Variants in SLC4A10 observed in about 807,000 individuals in gnomAD.
SLC4A10 encodes the protein solute carrier family 4 member 10.
In SLC4A10, 42 loss-of-function variants were observed where a neutral mutation model predicts 137.7. The observed-to-expected ratio is 0.30, with a 90% confidence interval of 0.24 to 0.39. The LOEUF is 0.39. Among genes scored for constraint, SLC4A10 ranks in the 10% least tolerant of loss-of-function variants. The pLI, the probability that SLC4A10 is intolerant of heterozygous loss-of-function variation, is 1.00. For missense variants in SLC4A10, 925 were observed against 1,355.0 expected (o/e 0.68, Z 4.98); for synonymous variants, 474 against 464.1 (o/e 1.02, Z -0.27).
At chr2:161,837,303 G>A (rs564467752) in intron 3 of SLC4A10, among the ~76,000 whole-genome samples, 1 of 152,110 alleles carries the variant, frequency 6.6e-6, no homozygotes, top group South Asian at 2.1e-4. Flanking sequence ...CTCTACACTA[G>A]CATTAAAAAT....
chr2:161,914,852 G>T (rs1686738108), intron 15 of SLC4A10, among the ~76,000 whole-genome samples: 1 of 152,126 alleles, frequency 6.6e-6, no homozygotes, highest in Non-Finnish European at 1.5e-5. Flanking sequence ...ATTAAATGAA[G>T]TCATATCGAT....
Position 161,985,198 on chromosome 2 carries a change from T to C in SLC4A10, c.*2046T>C, listed in dbSNP as rs1700667698. 5.3e-5 allele frequency: 8 copies of C among 152,262 alleles called. No individual in the cohort carries two copies. In the South Asian group the frequency reaches 1.7e-3, roughly 32 times the overall value. The allele number at this position is 152,262 out of a possible 1,614,324, so 9.4% of individuals were successfully genotyped here. On this transcript the variant is annotated 3_prime_UTR_variant, in exon 27 of 27. Coordinates refer to ENST00000446997, the MANE Select transcript of SLC4A10 (RefSeq NM_001178015.2). ...AAATAATGTGTAAATGTGACTAGGATATTGTGTTTTTCACAATTAAGAAAT... is the reference window on the plus strand; with the variant it reads ...AAATAATGTGTAAATGTGACTAGGACATTGTGTTTTTCACAATTAAGAAAT...
At chr2:161,833,604 A>G (rs577272418) in intron 3 of SLC4A10, among the ~76,000 whole-genome samples, 1 of 152,338 alleles carries the variant, frequency 6.6e-6, no homozygotes, top group East Asian at 1.9e-4. Context: ...AGGTACATCT[A>G]TCTAGTCTGA....
chr2:161,953,488 A>G (rs1310677782), intron 19 of SLC4A10, among the ~76,000 whole-genome samples: 1 of 152,028 alleles, frequency 6.6e-6, no homozygotes, highest in African/African-American at 2.4e-5. Context: ...GGCACCTGTA[A>G]TCCCAGCTAC....
intron 1 of SLC4A10, chr2:161,651,329 T>C (rs2036761576): frequency 1.3e-5 from 2 of 152,484 alleles, no homozygotes; most frequent in South Asian, 4.1e-4. Context: ...GTTCTGTCGC[T>C]TGGTGAAGTT....
chr2:161,882,154 G>A (rs1459544295), intron 9 of SLC4A10, among the ~76,000 whole-genome samples: 2 of 151,048 alleles, frequency 1.3e-5, no homozygotes, highest in African/African-American at 4.9e-5. Context: ...GGAAAACCAT[G>A]CATTCCCATT....
At chr2:161,834,207 A>G (rs2058618250) in intron 3 of SLC4A10, among the ~76,000 whole-genome samples, 1 of 152,172 alleles carries the variant, frequency 6.6e-6, no homozygotes, top group Non-Finnish European at 1.5e-5. Flanking sequence ...TTGGTCCTAC[A>G]TTGTAAGAGT....
At chr2:161,859,386 G>A (rs980327022) in intron 5 of SLC4A10, among the ~76,000 whole-genome samples, 1 of 150,502 alleles carries the variant, frequency 6.6e-6, no homozygotes, top group Non-Finnish European at 1.5e-5. Flanking sequence ...CGCCTCCTGG[G>A]TTCAAGCAAT....
At chr2:161,895,357 G>A (rs1206182744) in intron 11 of SLC4A10, among the ~76,000 whole-genome samples, 1 of 152,062 alleles carries the variant, frequency 6.6e-6, no homozygotes, top group African/African-American at 2.4e-5. Flanking sequence ...ATTGTGAATA[G>A]TGCCGCAATA....
chr2:161,783,869 C>A (rs1431507613), intron 2 of SLC4A10, among the ~76,000 whole-genome samples: 1 of 151,424 alleles, frequency 6.6e-6, no homozygotes, highest in African/African-American at 2.4e-5. Flanking sequence ...TAACAGAAAA[C>A]AGTACATGAC....
intron 9 of SLC4A10, among the ~76,000 whole-genome samples, chr2:161,879,918 T>G (rs1049400829): frequency 4.6e-5 from 7 of 151,944 alleles, no homozygotes; most frequent in Admixed American, 1.3e-4. Flanking sequence ...AAATAACAAC[T>G]TAGGGATAAT....
intron 1 of SLC4A10, among the ~76,000 whole-genome samples, chr2:161,719,341 G>C (rs1393884760): frequency 6.6e-6 from 1 of 152,094 alleles, no homozygotes; most frequent in East Asian, 1.9e-4. Flanking sequence ...CTTTGCTATT[G>C]TGAATAGAGC....
intron 2 of SLC4A10, 47 bp from the exon 3 acceptor site, chr2:161,804,402 C>A (rs762777071): frequency 1.2e-5 from 19 of 1,582,326 alleles, no homozygotes; most frequent in Non-Finnish European, 1.6e-5. Context: ...ATATCTGTGC[C>A]CTGGAATAAT....
chr2:161,891,565 C>T (rs960127011), intron 10 of SLC4A10, among the ~76,000 whole-genome samples: 2 of 151,866 alleles, frequency 1.3e-5, no homozygotes, highest in African/African-American at 4.8e-5. Flanking sequence ...TCTCTAATAT[C>T]CTTTCTTCCG....
chr2:161,974,574 G>A (rs1188822516), intron 24 of SLC4A10, among the ~76,000 whole-genome samples: 1 of 152,150 alleles, frequency 6.6e-6, no homozygotes, highest in Non-Finnish European at 1.5e-5. Flanking sequence ...TTTATAATGT[G>A]TATGAAAAAT....
intron 1 of SLC4A10, among the ~76,000 whole-genome samples, chr2:161,694,121 A>G (rs1434776060): frequency 3.3e-5 from 5 of 151,964 alleles, no homozygotes; most frequent in African/African-American, 4.8e-5. Context: ...TTTTGAGAAC[A>G]TGTGTGACTT....
intron 15 of SLC4A10, among the ~76,000 whole-genome samples, chr2:161,930,904 TTTTTGTTTTG>T (rs370252753): frequency 1.0e-4 from 15 of 147,952 alleles, no homozygotes; most frequent in Non-Finnish European, 7.4e-5. Context: ...CTGCCACATG[TTTTTGTTTTG>T]TTTTGTTTTG....
At chr2:161,906,468 G>A (rs970357331) in intron 15 of SLC4A10, among the ~76,000 whole-genome samples, 4 of 152,150 alleles carry the variant, frequency 2.6e-5, no homozygotes, top group African/African-American at 4.8e-5. Context: ...GATGTGATTG[G>A]ATCTATTGCT....
intron 1 of SLC4A10, among the ~76,000 whole-genome samples, chr2:161,691,748 T>C (rs577507569): frequency 1.8e-4 from 27 of 152,264 alleles, no homozygotes; most frequent in African/African-American, 6.5e-4. Context: ...GGAGATAATC[T>C]TGTAGAGGAA....
Sources: allele counts gnomAD v4.1 joint callset (sites outside exome capture counted in the v4.1 genomes callset), GRCh38; gene constraint gnomAD v4.1.1; transcripts MANE v1.5; gene names NCBI Gene and HGNC (gene_info 2026-07-23, HGNC 2026-07-21).